The following CTNNA3 variants were observed in gnomAD, a reference collection of about 807,000 sequenced individuals.
CTNNA3 encodes the protein catenin alpha 3, also known as catenin alpha-3.
CTNNA3 carries 76 observed loss-of-function variants against 95.7 expected under a neutral mutation model. The ratio of observed to expected loss-of-function variants is 0.79; its 90% CI spans 0.66 to 0.96. CTNNA3 has a LOEUF of 0.96. Among genes scored for constraint, CTNNA3 ranks in the 40% least tolerant of loss-of-function variants. CTNNA3 has a pLI of 0.00. For missense variants in CTNNA3, 1,191 were observed against 1,089.8 expected, an observed-to-expected ratio of 1.09 and a Z score of -1.31; for synonymous variants, 431 against 374.4, an observed-to-expected ratio of 1.15 and a Z score of -1.74.
At chr10:66,718,654 A>G (rs1848531121) in intron 9 of CTNNA3, among the ~76,000 whole-genome samples, 1 of 149,618 alleles carries the variant, frequency 6.7e-6, no homozygotes, top group Admixed American at 6.7e-5. Flanking sequence ...AAATATCATT[A>G]ATAATATAAT....
intron 9 of CTNNA3, among the ~76,000 whole-genome samples, chr10:66,667,670 TTTG>T (rs1489099874): frequency 6.6e-6 from 1 of 152,162 alleles, no homozygotes; most frequent in Admixed American, 6.6e-5. Context: ...GATTTAGTCT[TTTG>T]TTTTTCTTTA....
chr10:67,699,794 C>T (rs996725016), upstream of CTNNA3, among the ~76,000 whole-genome samples: 3 of 152,156 alleles, frequency 2.0e-5, no homozygotes, highest in South Asian at 4.1e-4. Flanking sequence ...TGCAGTGCAC[C>T]GTTCGCGAGC....
At chr10:66,037,143 A>AT (rs2079582220) in intron 15 of CTNNA3, among the ~76,000 whole-genome samples, 2 of 152,134 alleles carry the variant, frequency 1.3e-5, no homozygotes, top group African/African-American at 4.8e-5. Flanking sequence ...AAGTGCTGGG[A>AT]TTACAGGCAT....
chr10:66,367,877 AATAATTATTATTATTATTATT>A (rs1162044961), intron 12 of CTNNA3, among the ~76,000 whole-genome samples: 163 of 46,640 alleles, frequency 3.5e-3, no homozygotes, highest in African/African-American at 9.7e-3. Flanking sequence ...TAATAATAAT[AATAATTATTATTATTATTATT>A]ATTATTATTA....
chr10:67,737,768 A>T (rs1189619967), intron 1 of CTNNA3, among the ~76,000 whole-genome samples: 1 of 152,202 alleles, frequency 6.6e-6, no homozygotes, highest in Non-Finnish European at 1.5e-5. Flanking sequence ...GGTGCTGGAG[A>T]GGATGTGGAG....
intron 1 of CTNNA3, among the ~76,000 whole-genome samples, chr10:67,687,648 T>C (rs771592629): frequency 4.3e-4 from 66 of 152,170 alleles, no homozygotes; most frequent in Non-Finnish European, 7.2e-4. Context: ...CTTTTGGAGC[T>C]TTCTCCTGAT....
intron 7 of CTNNA3, among the ~76,000 whole-genome samples, chr10:66,845,719 A>AC (rs1460976033): frequency 6.8e-5 from 5 of 73,266 alleles, no homozygotes; most frequent in South Asian, 4.1e-4. Flanking sequence ...AAAAAAAAAA[A>AC]AAAAAAAAAA....
chr10:66,423,191 G>A (rs561531666), intron 11 of CTNNA3, among the ~76,000 whole-genome samples: 7 of 152,062 alleles, frequency 4.6e-5, no homozygotes, highest in East Asian at 1.9e-4. Context: ...TTTAAAATAC[G>A]CTGTCAGATA....
intron 13 of CTNNA3, among the ~76,000 whole-genome samples, chr10:66,270,361 T>C (rs1450385932): frequency 6.6e-6 from 1 of 151,906 alleles, no homozygotes; most frequent in Non-Finnish European, 1.5e-5. Flanking sequence ...TGCACCACCA[T>C]GCCCGGATAA....
At chr10:67,615,657 C>CTTTTTT (rs746378840) in intron 2 of CTNNA3, among the ~76,000 whole-genome samples, 5 of 102,168 alleles carry the variant, frequency 4.9e-5, no homozygotes, top group South Asian at 3.7e-4. Flanking sequence ...GGCAGGTATT[C>CTTTTTT]TTTTTTTTTT....
At chr10:66,431,909 T>C (rs1468213176) in intron 11 of CTNNA3, among the ~76,000 whole-genome samples, 1 of 151,928 alleles carries the variant, frequency 6.6e-6, no homozygotes, top group Non-Finnish European at 1.5e-5. Context: ...AAAATATATA[T>C]ATAAAATCAT....
At chr10:66,729,639 G>C (rs79005246) in intron 9 of CTNNA3, among the ~76,000 whole-genome samples, 13,241 of 152,210 alleles carry the variant, frequency 0.087, 665 homozygotes, top group African/African-American at 0.13. Context: ...GGGGACTCAG[G>C]GGAAAGGGTG....
intron 13 of CTNNA3, among the ~76,000 whole-genome samples, chr10:66,200,868 A>G (rs79906329): frequency 0.037 from 5,559 of 152,300 alleles, 324 homozygotes; most frequent in African/African-American, 0.13. Context: ...CATTTCACCT[A>G]CAAATAATGA....
At chr10:67,624,223 AAAT>A (rs1414973269) in intron 2 of CTNNA3, among the ~76,000 whole-genome samples, 1 of 152,178 alleles carries the variant, frequency 6.6e-6, no homozygotes, top group Non-Finnish European at 1.5e-5. Context: ...CCAAAGAAAA[AAAT>A]AATTACTTCT....
chr10:66,689,495 T>C (rs1215539162), intron 9 of CTNNA3, among the ~76,000 whole-genome samples: 1 of 152,196 alleles, frequency 6.6e-6, no homozygotes, highest in Non-Finnish European at 1.5e-5. Flanking sequence ...ACAATCCCAA[T>C]TATTTGTTAA....
chr10:65,920,522 G>T lies in CTNNA3; in HGVS notation c.2496C>A (p.Ile832=). 1 of 1,614,160 alleles carries T rather than the reference G, an allele frequency of 6.2e-7. No homozygotes were observed. Among genetic ancestry groups the T allele is most frequent in the East Asian group, 2.2e-5 (1 of 44,874 alleles). Residue 832 remains isoleucine (I), a synonymous_variant, in exon 18 of 18, where the codon ATC becomes ATA. Transcript: ENST00000433211. ...GCCCAGCAGGACTCTGGATTCGGAT[G>T]ATCTTGGTTGAGGCAATGTAAGACA... ...VKMSYIASTK[I]IRIQSPAGPR... is the part of the protein sequence containing the mutation.
intron 4 of CTNNA3, among the ~76,000 whole-genome samples, chr10:67,538,490 G>A (rs963406425): frequency 6.6e-6 from 1 of 151,516 alleles, no homozygotes; most frequent in African/African-American, 2.4e-5. Context: ...GCTAAGGCTG[G>A]AGAATTGCAT....
intron 12 of CTNNA3, among the ~76,000 whole-genome samples, chr10:66,355,358 T>A (rs1015695312): frequency 1.3e-5 from 2 of 152,084 alleles, no homozygotes; most frequent in Non-Finnish European, 2.9e-5. Flanking sequence ...GAAAATAATA[T>A]TATGCTCATA....
intron 12 of CTNNA3, among the ~76,000 whole-genome samples, chr10:66,323,419 G>A (rs1001289800): frequency 6.6e-6 from 1 of 151,794 alleles, no homozygotes; most frequent in African/African-American, 2.4e-5. Context: ...CAAGGGGCAC[G>A]GATCACCTGA....
Sources: allele counts gnomAD v4.1 joint callset (sites outside exome capture counted in the v4.1 genomes callset), GRCh38; gene constraint gnomAD v4.1.1; transcripts MANE v1.5; gene names NCBI Gene and HGNC (gene_info 2026-07-23, HGNC 2026-07-21).